Variants in KIF20B observed in about 807,000 individuals in gnomAD.
KIF20B encodes the protein kinesin-like protein KIF20B.
KIF20B carries 188 observed loss-of-function variants against 232.5 expected under a neutral mutation model. The ratio of observed to expected loss-of-function variants is 0.81; its 90% CI spans 0.72 to 0.91. The LOEUF is 0.91. KIF20B is among the 40% of genes least tolerant of loss of function. The probability of loss-of-function intolerance (pLI) is 0.00; values close to 1 mark genes in which losing one functional copy is unlikely to be tolerated. For missense variants in KIF20B, 2,154 were observed against 2,055.9 expected (o/e 1.05, Z -0.92); for synonymous variants, 712 against 683.0 (o/e 1.04, Z -0.66).
At chr10:89,741,520 T>C (rs1841793847) in intron 21 of KIF20B, among the ~76,000 whole-genome samples, 5 of 152,362 alleles carry the variant, frequency 3.3e-5, no homozygotes, top group Non-Finnish European at 4.4e-5. Flanking sequence ...ATAATAATTA[T>C]AGCAATTTAA....
At chr10:89,771,382 T>C (rs1388720752) in intron 31 of KIF20B, among the ~76,000 whole-genome samples, 2 of 152,094 alleles carry the variant, frequency 1.3e-5, no homozygotes, top group Non-Finnish European at 2.9e-5. Context: ...TGAGTTTGGC[T>C]CTAGGCCAAC....
chr10:89,732,562 A>G (rs1003709443), intron 18 of KIF20B, among the ~76,000 whole-genome samples: 1 of 152,112 alleles, frequency 6.6e-6, no homozygotes, highest in African/African-American at 2.4e-5. Flanking sequence ...GGGCAAAACT[A>G]TTTTTCTAGG....
chr10:89,738,022 T>C lies in KIF20B; in HGVS notation c.3181T>C (p.Trp1061Arg). Residue 1061 changes from tryptophan to arginine, a missense_variant, in exon 20 of 33, where the codon TGG (tryptophan) becomes CGG (arginine). By Grantham distance (101) the Trp-to-Arg change is moderately radical (BLOSUM62 -3). Coordinates refer to ENST00000371728, the MANE Select transcript of KIF20B (RefSeq NM_001284259.2). Reference protein sequence around the residue: ...NSFHSSIEAIWEECKEIVKAS... With the variant: ...NSFHSSIEAIREECKEIVKAS... ...TTTCCACTCTAGTATTGAAGCTATT[T>C]GGGAAGAATGTAAAGAGATTGTGAA... The C allele has an allele frequency of 1.2e-6, 2 of 1,613,468 alleles. No homozygotes were observed. Among genetic ancestry groups the C allele is most frequent in the South Asian group, 2.2e-5 (2 of 91,062 alleles).
At position 89,719,507 on chromosome 10, in the gene KIF20B, C is replaced by T; in HGVS notation, c.1523C>T (p.Ser508Leu). 1 of 1,609,470 alleles carries T rather than the reference C, an allele frequency of 6.2e-7. No homozygotes were observed. Among genetic ancestry groups the T allele is most frequent in the Non-Finnish European group, 8.5e-7 (1 of 1,176,286 alleles). ...SSQDVSLDSN[S>L]NSKILNVKRA... ...CAAGATGTATCACTAGACAGTAATT[C>T]AAACAGTAAAATATTAAATGTAAAA... Residue 508 changes from serine to leucine, a missense_variant, in exon 13 of 33, where the codon TCA becomes TTA. Ser to Leu is a moderately radical substitution (Grantham distance 145, BLOSUM62 -2). Transcript: ENST00000371728.
At chr10:89,710,866 G>A in intron 5 of KIF20B, 95 bp from the exon 6 acceptor site, 2 of 861,012 alleles carry the variant, frequency 2.3e-6, no homozygotes, top group Non-Finnish European at 3.5e-6. Flanking sequence ...GTTGACTCTT[G>A]CCTATTGGTA....
intron 30 of KIF20B, 121 bp downstream of exon 30, chr10:89,768,512 A>T (rs1842407346): frequency 2.7e-6 from 2 of 741,698 alleles, no homozygotes; most frequent in East Asian, 5.3e-5. Flanking sequence ...AACCTTTAGC[A>T]TTTGGCCAGT....
At chr10:89,704,748 G>A (rs10881627) in intron 1 of KIF20B, among the ~76,000 whole-genome samples, 46,962 of 151,940 alleles carry the variant, frequency 0.31, 8,163 homozygotes, top group African/African-American at 0.46. Context: ...TAGTAGAGAC[G>A]GGGTTTCACC....
chr10:89,733,290 T>C (rs553947252), intron 19 of KIF20B: 22 of 409,412 alleles, frequency 5.4e-5, no homozygotes, highest in Non-Finnish European at 9.8e-5. Context: ...TCTTTCGCAG[T>C]CTATGTAATA....
intron 28 of KIF20B, 45 bp downstream of exon 28, chr10:89,760,681 A>G (rs1273449790): frequency 1.8e-6 from 2 of 1,135,172 alleles, no homozygotes; most frequent in Non-Finnish European, 2.7e-6. Flanking sequence ...CTCTTTATCC[A>G]CTATTACTAA....
chr10:89,739,198 C>T, intron 21 of KIF20B, 102 bp downstream of exon 21: 6 of 1,261,006 alleles, frequency 4.8e-6, no homozygotes, highest in Non-Finnish European at 6.6e-6. Flanking sequence ...AACATTTATC[C>T]ACTTTATAAT....
At chr10:89,752,773 A>C in intron 25 of KIF20B, 82 bp downstream of exon 25, 1 of 1,043,816 alleles carries the variant, frequency 9.6e-7, no homozygotes, top group Non-Finnish European at 1.3e-6. Context: ...AGTATTTTAT[A>C]TTTAGTAATT....
intron 18 of KIF20B, among the ~76,000 whole-genome samples, chr10:89,732,622 AAAC>A (rs1417158590): frequency 2.6e-5 from 4 of 152,352 alleles, no homozygotes; most frequent in African/African-American, 9.6e-5. Context: ...TTTGGCTACA[AAAC>A]AAAATAAATA....
rs977847523 is a variant in KIF20B at position 89,739,216 on chromosome 10, A to G, written c.3915+120A>G. The G allele has an allele frequency of 2.7e-6, 3 of 1,126,724 alleles. No individual in the cohort carries two copies. The African/African-American group carries it at 4.9e-5, about 18-fold the overall frequency. 69.8% of individuals were successfully genotyped at this position (1,126,724 alleles called of 1,614,324 possible). ...ATTTATCCACTTTATAATTTTTCTT[A>G]AAATTACAAGAACAGTTACTTCACG... On this transcript the variant is annotated intron_variant, in intron 21 of 32. Coordinates refer to ENST00000371728, the MANE Select transcript of KIF20B (RefSeq NM_001284259.2).
chr10:89,724,071 T>C lies in KIF20B; in HGVS notation c.1830T>C (p.Thr610=). Residue 610 remains threonine (T), a synonymous_variant, in exon 14 of 33, where the codon ACT becomes ACC. Transcript: ENST00000371728. ...GAGAAGAAGTTACACAGGAGTTTAC[T>C]CAGTATTGGGCTCAACGGGAAGCTG... ...KIREEVTQEF[T]QYWAQREADF... 6.4e-7 allele frequency: 1 copy of C among 1,565,460 alleles called. No homozygotes were observed. Among genetic ancestry groups the C allele is most frequent in the Admixed American group, 2.0e-5 (1 of 50,550 alleles).
At position 89,732,891 on chromosome 10, in the gene KIF20B, A is replaced by G. The variant is rs978536834; in HGVS notation, c.2392-12A>G. ...TCTATATGTGAATTATTTTTAACTTATTTTGCTTTAGGACAAGGCTGATAC... is the reference window on the plus strand; with the variant it reads ...TCTATATGTGAATTATTTTTAACTTGTTTTGCTTTAGGACAAGGCTGATAC... On this transcript the variant is annotated splice_polypyrimidine_tract_variant and intron_variant, in intron 18 of 32. Transcript: ENST00000371728. 7.2e-6 allele frequency: 11 copies of G among 1,525,932 alleles called. No homozygotes were observed. The East Asian group carries it at 2.6e-4, about 35-fold the overall frequency. 94.5% of individuals were successfully genotyped at this position (1,525,932 alleles called of 1,614,324 possible). A position where few individuals can be genotyped will look rare whatever the true frequency, so the allele number is the denominator to read the frequency against.
chr10:89,709,610 A>G, intron 4 of KIF20B, 149 bp downstream of exon 4: 1 of 569,674 alleles, frequency 1.8e-6, no homozygotes. Context: ...AGGTCTGGAA[A>G]TATATAATTG....
intron 19 of KIF20B, among the ~76,000 whole-genome samples, chr10:89,736,119 A>G (rs1841647036): frequency 6.6e-6 from 1 of 152,116 alleles, no homozygotes; most frequent in Non-Finnish European, 1.5e-5. Flanking sequence ...TACCAGAACA[A>G]TGTTGTAAAG....
intron 1 of KIF20B, among the ~76,000 whole-genome samples, chr10:89,704,042 C>T (rs1842671328): frequency 6.6e-6 from 1 of 152,154 alleles, no homozygotes; most frequent in South Asian, 2.1e-4. Flanking sequence ...TGAGCCACTG[C>T]GCCCGGCCGT....
At position 89,716,436 on chromosome 10, in the gene KIF20B, A is replaced by G; in HGVS notation, c.941A>G (p.Asp314Gly). ...QDVKGYSFIKDLQWIQVSDSK... is the reference protein window; with the variant it reads ...QDVKGYSFIKGLQWIQVSDSK... ...TATATATCCTCTTTATTTTTTAAAGATCTACAATGGATTCAAGTATCTGAT... is the reference window on the plus strand; with the variant it reads ...TATATATCCTCTTTATTTTTTAAAGGTCTACAATGGATTCAAGTATCTGAT... The change falls in exon 9 of 33, where the codon GAT (aspartate) becomes GGT (glycine). Residue 314 changes from aspartate (D) to glycine (G), a missense_variant and splice_region_variant. Coordinates refer to ENST00000371728, the MANE Select transcript of KIF20B (RefSeq NM_001284259.2). 7.7e-7 allele frequency: 1 copy of G among 1,305,418 alleles called. No individual in the cohort carries two copies. Among genetic ancestry groups the G allele is most frequent in the Non-Finnish European group, 1.1e-6 (1 of 921,938 alleles). 80.9% of individuals were successfully genotyped at this position (1,305,418 alleles called of 1,614,324 possible). A position where few individuals can be genotyped will look rare whatever the true frequency, so the allele number is the denominator to read the frequency against.
Sources: gnomAD v4.1 joint callset for allele counts (sites outside exome capture counted in the v4.1 genomes callset) on GRCh38, gnomAD v4.1.1 for gene constraint, MANE v1.5 for transcripts, NCBI Gene and HGNC (gene_info 2026-07-23, HGNC 2026-07-21) for gene names.